Variants in TDP1 observed in about 807,000 individuals in gnomAD.
TDP1 encodes tyr-DNA phosphodiesterase 1.
TDP1 carries 64 observed loss-of-function variants against 81.5 expected under a neutral mutation model. The ratio of observed to expected loss-of-function variants is 0.79; its 90% confidence interval spans 0.64 to 0.97. TDP1 has a LOEUF of 0.97. Among genes scored for constraint, TDP1 ranks in the 50% least tolerant of loss-of-function variants. The pLI is 0.00. For synonymous variants in TDP1, 256 were observed against 264.3 expected (o/e 0.97, Z 0.30); for missense variants, 723 against 743.8 (o/e 0.97, Z 0.33).
intron 13 of TDP1, chr14:89,993,124 T>C: frequency 1.0e-6 from 1 of 981,434 alleles, no homozygotes; most frequent in Non-Finnish European, 1.2e-6. Context: ...CATGTATGTA[T>C]GTTCATGGCA....
rs371186270 is a variant in TDP1, at chr14:89,983,665, C to A, written c.885-851C>A. ...AGCCCAGTGAGGCAGCCTTGTTAAC[C>A]CCACTTTTTTGCATTTGAAGAAACT... is the stretch of plus-strand genomic sequence containing the variant. On this transcript the variant is annotated intron_variant, in intron 8 of 16. Transcript: ENST00000335725. Among the ~76,000 whole-genome samples the A allele has an allele frequency of 2.0e-5, 3 of 152,114 alleles. No individual in the cohort carries two copies. In the East Asian group the frequency reaches 5.8e-4, roughly 29 times the overall value.
intron 13 of TDP1, 183 bp from the exon 14 acceptor site, chr14:89,993,193 T>G: frequency 2.0e-6 from 2 of 977,136 alleles, no homozygotes; most frequent in African/African-American, 3.5e-5. Context: ...GTGGGAAGTT[T>G]ATAATTCTAA....
chr14:90,008,090 G>T (rs1172459714), intron 14 of TDP1, among the ~76,000 whole-genome samples: 1 of 152,052 alleles, frequency 6.6e-6, no homozygotes, highest in Non-Finnish European at 1.5e-5. Flanking sequence ...TTTTTATTTA[G>T]TCTCAGCAGG....
intron 14 of TDP1, among the ~76,000 whole-genome samples, chr14:89,998,375 TATATATATATATATATATATATATATA>T (rs1566890699): frequency 3.6e-3 from 15 of 4,150 alleles, no homozygotes; most frequent in African/African-American, 4.9e-3. Context: ...AAGCACATTA[TATATATATATATATATATATATATATA>T]TATATATATA....
chr14:89,984,823 A>AT, intron 9 of TDP1, 140 bp downstream of exon 9: 1 of 1,567,612 alleles, frequency 6.4e-7, no homozygotes. Context: ...GGATGAGCAG[A>AT]TTCTATCACA....
chr14:90,033,056 T>TA, intron 15 of TDP1, 50 bp from the exon 16 acceptor site: 1 of 1,312,272 alleles, frequency 7.6e-7, no homozygotes, highest in Non-Finnish European at 1.1e-6. Flanking sequence ...TTTTTTTTTT[T>TA]AAACCCAGAA....
intron 14 of TDP1, among the ~76,000 whole-genome samples, chr14:89,999,963 G>T (rs1566893188): frequency 1.3e-5 from 2 of 152,176 alleles, no homozygotes; most frequent in African/African-American, 4.8e-5. Flanking sequence ...CGTGGGTCAG[G>T]AGTCTGGGCG....
In TDP1 at chr14:90,043,690, T is replaced by C. The variant is rs1888574274; in HGVS notation, c.*547T>C. On this transcript the variant is annotated 3_prime_UTR_variant, in exon 17 of 17. Coordinates refer to ENST00000335725, the MANE Select transcript of TDP1 (RefSeq NM_018319.4). Reference sequence around the variant, plus strand: ...GGAAATTTTCATTTGGAGCATCATGTCAGCACTCAAAAAGTTCTGGATCTT... The same window carrying C: ...GGAAATTTTCATTTGGAGCATCATGCCAGCACTCAAAAAGTTCTGGATCTT... 1 of 170,492 alleles carries C rather than the reference T, an allele frequency of 5.9e-6. No individual in the cohort carries two copies. The highest frequency in any genetic ancestry group is 1.5e-4 in the South Asian group (1 of 6,830). The allele number at this position is 170,492 out of a possible 1,614,324, so 10.6% of individuals were successfully genotyped here.
At chr14:90,003,075 C>T (rs376353036) in intron 14 of TDP1, among the ~76,000 whole-genome samples, 1 of 151,998 alleles carries the variant, frequency 6.6e-6, no homozygotes, top group African/African-American at 2.4e-5. Context: ...GTAGCTGGGA[C>T]TACAGGCGCA....
At chr14:90,000,007 C>A (rs1173912724) in intron 14 of TDP1, among the ~76,000 whole-genome samples, 1 of 152,130 alleles carries the variant, frequency 6.6e-6, no homozygotes, top group Non-Finnish European at 1.5e-5. Context: ...AGTGTCTCAC[C>A]AGGCTAAAAT....
At chr14:90,015,689 AG>A (rs1885230091) in intron 14 of TDP1, among the ~76,000 whole-genome samples, 1 of 152,216 alleles carries the variant, frequency 6.6e-6, no homozygotes, top group South Asian at 2.1e-4. Flanking sequence ...CTCACAAGGT[AG>A]AAAGAGGGCA....
At chr14:89,993,068 C>T in intron 13 of TDP1, 2 of 861,470 alleles carry the variant, frequency 2.3e-6, no homozygotes, top group Non-Finnish European at 2.8e-6. Flanking sequence ...AGGCAGGAGA[C>T]ATATACACAC....
chr14:90,002,709 A>C (rs1897285890), intron 14 of TDP1, among the ~76,000 whole-genome samples: 1 of 150,266 alleles, frequency 6.7e-6, no homozygotes, highest in Non-Finnish European at 1.5e-5. Flanking sequence ...ATCTCTACAA[A>C]AAAAAAAAAA....
chr14:89,982,114 A>G (rs1407896198), intron 8 of TDP1, among the ~76,000 whole-genome samples: 2 of 152,008 alleles, frequency 1.3e-5, no homozygotes, highest in African/African-American at 2.4e-5. Flanking sequence ...TGAGCCTTAC[A>G]TCTCTTGTTC....
intron 15 of TDP1, among the ~76,000 whole-genome samples, chr14:90,031,155 T>C (rs1887238337): frequency 6.6e-6 from 1 of 151,924 alleles, no homozygotes; most frequent in South Asian, 2.1e-4. Context: ...ATGTGCACAA[T>C]GTGCAGGTTA....
intron 8 of TDP1, 180 bp from the exon 9 acceptor site, chr14:89,984,336 A>G (rs1323356303): frequency 1.0e-6 from 1 of 985,222 alleles, no homozygotes; most frequent in African/African-American, 1.7e-5. Context: ...AATAATTCTG[A>G]ATGTGATGAG....
chr14:90,043,097 A>G lies in TDP1; in HGVS notation c.1781A>G (p.Tyr594Cys). 1 of 1,614,200 alleles carries G rather than the reference A, an allele frequency of 6.2e-7. No homozygotes were observed. The highest frequency in any genetic ancestry group is 8.5e-7 in the Non-Finnish European group (1 of 1,180,034). ...KDRPWIWNIP[Y>C]VKAPDTHGNM... is the part of the protein sequence containing the mutation. Reference sequence around the variant, plus strand: ...CGGCCATGGATATGGAACATTCCTTATGTCAAAGCACCGGATACGCATGGG... The same window carrying G: ...CGGCCATGGATATGGAACATTCCTTGTGTCAAAGCACCGGATACGCATGGG... Residue 594 changes from tyrosine (Y) to cysteine (C), a missense_variant, in exon 17 of 17, where the codon TAT (tyrosine) becomes TGT (cysteine). Transcript: ENST00000335725.
chr14:90,029,815 C>G (rs529552192), intron 15 of TDP1, among the ~76,000 whole-genome samples: 1 of 152,154 alleles, frequency 6.6e-6, no homozygotes, highest in Non-Finnish European at 1.5e-5. Flanking sequence ...CTTTTAATAG[C>G]TGTGTGGCCT....
In TDP1 at chr14:90,033,044, G is replaced by GT. The variant is rs1887460855; in HGVS notation, c.1645-62_1645-61insT. Reference sequence around the variant, plus strand: ...ATATTATTGCTTCTTGAGGCCTTCTGGTTTTTTTTTTTAAACCCAGAAAAT... The same window carrying GT: ...ATATTATTGCTTCTTGAGGCCTTCTGTGTTTTTTTTTTTAAACCCAGAAAAT... On this transcript the variant is annotated intron_variant, in intron 15 of 16. Transcript: ENST00000335725. 14 of 1,280,302 alleles carry GT rather than the reference G, an allele frequency of 1.1e-5. No individual in the cohort carries two copies. The African/African-American group carries it at 1.3e-4, about 12-fold the overall frequency. 79.3% of individuals were successfully genotyped at this position (1,280,302 alleles called of 1,614,324 possible).
Sources: gnomAD v4.1 joint callset for allele counts (sites outside exome capture counted in the v4.1 genomes callset) on GRCh38, gnomAD v4.1.1 for gene constraint, MANE v1.5 for transcripts, NCBI Gene and HGNC (gene_info 2026-07-23, HGNC 2026-07-21) for gene names.